Variants in DACH1 observed in about 807,000 individuals in gnomAD.
DACH1 encodes dachshund homolog 1.
A neutral mutation model predicts 54.2 loss-of-function variants in DACH1; 12 were observed. The ratio of observed to expected loss-of-function variants is 0.22; its 90% CI spans 0.14 to 0.36. The LOEUF is 0.36. Ranked by LOEUF, DACH1 falls within the 10% of genes least tolerant of loss-of-function variation. DACH1 has a pLI of 1.00. For synonymous variants in DACH1, 386 were observed against 366.2 expected (o/e 1.05, Z -0.62); for missense variants, 805 against 929.8 (o/e 0.87, Z 1.75).
In DACH1 at chr13:71,860,527, T is replaced by C. The variant is rs182258451; in HGVS notation, c.848+5395A>G. ...AGATAAATTCAAACAAAGTTTAACT[T>C]TTTAAAAGAACCAAGTAACAAAAAC... On this transcript the variant is annotated intron_variant, in intron 1 of 10. Transcript: ENST00000613252. Among the ~76,000 whole-genome samples the C allele has an allele frequency of 3.5e-3, 527 of 151,800 alleles. 1 individual carries two copies. Among genetic ancestry groups the C allele is most frequent in the African/African-American group, 0.012 (496 of 41,490 alleles).
At chr13:71,696,854 A>G (rs1414385237) in intron 1 of DACH1, among the ~76,000 whole-genome samples, 1 of 152,090 alleles carries the variant, frequency 6.6e-6, no homozygotes, top group Non-Finnish European at 1.5e-5. Context: ...CCTGAAATTC[A>G]CTTTTAAGAC....
chr13:71,690,540 T>C (rs980847471), intron 1 of DACH1, among the ~76,000 whole-genome samples: 5 of 152,212 alleles, frequency 3.3e-5, no homozygotes, highest in African/African-American at 1.2e-4. Context: ...AGTGGCCTTC[T>C]TAAAGTTTGG....
intron 2 of DACH1, among the ~76,000 whole-genome samples, chr13:71,654,295 C>G (rs1878893049): frequency 1.3e-5 from 2 of 151,322 alleles, no homozygotes; most frequent in African/African-American, 4.9e-5. Context: ...GAGGCTGAGG[C>G]AGGAGAATCG....
intron 1 of DACH1, among the ~76,000 whole-genome samples, chr13:71,753,958 G>A (rs1885033645): frequency 6.6e-6 from 1 of 152,056 alleles, no homozygotes; most frequent in African/African-American, 2.4e-5. Context: ...ATTTTAATTG[G>A]TTCAGGCCAC....
chr13:71,809,523 T>C (rs984670904), intron 1 of DACH1, among the ~76,000 whole-genome samples: 3 of 152,142 alleles, frequency 2.0e-5, no homozygotes, highest in Admixed American at 1.3e-4. Flanking sequence ...AAGTTGAAAA[T>C]GGTGCCACAA....
intron 1 of DACH1, among the ~76,000 whole-genome samples, chr13:71,781,600 G>T (rs1236770343): frequency 1.3e-5 from 2 of 151,848 alleles, no homozygotes; most frequent in African/African-American, 4.8e-5. Flanking sequence ...GGATGGTCTC[G>T]ATCTCCTGAC....
intron 1 of DACH1, among the ~76,000 whole-genome samples, chr13:71,775,734 C>G (rs1886037256): frequency 6.6e-6 from 1 of 152,020 alleles, no homozygotes; most frequent in Non-Finnish European, 1.5e-5. Context: ...AGGCAGTAAA[C>G]AGAACTGAAT....
chr13:71,459,489 T>C (rs967739499), intron 10 of DACH1, among the ~76,000 whole-genome samples: 1 of 151,924 alleles, frequency 6.6e-6, no homozygotes, highest in Non-Finnish European at 1.5e-5. Flanking sequence ...AAATTCATGA[T>C]TTTGAAACAT....
At chr13:71,562,644 T>C (rs1026994225) in intron 4 of DACH1, among the ~76,000 whole-genome samples, 1 of 152,090 alleles carries the variant, frequency 6.6e-6, no homozygotes, top group African/African-American at 2.4e-5. Flanking sequence ...AAATGAAGCA[T>C]GTATGCTTCT....
chr13:71,517,703 C>T (rs1219662769), intron 6 of DACH1, among the ~76,000 whole-genome samples: 1 of 151,784 alleles, frequency 6.6e-6, no homozygotes, highest in Non-Finnish European at 1.5e-5. Flanking sequence ...ATATCTTGGC[C>T]AAAGTCTCCT....
At chr13:71,545,028 T>C (rs763066827) in intron 6 of DACH1, among the ~76,000 whole-genome samples, 3 of 152,108 alleles carry the variant, frequency 2.0e-5, no homozygotes, top group Non-Finnish European at 4.4e-5. Flanking sequence ...GTCTGTTTTC[T>C]GATAGGACCC....
At chr13:71,544,441 C>G (rs1163129572) in intron 6 of DACH1, among the ~76,000 whole-genome samples, 1 of 152,056 alleles carries the variant, frequency 6.6e-6, no homozygotes, top group Non-Finnish European at 1.5e-5. Context: ...GCAACAAGCA[C>G]AGTGGTGCTT....
intron 10 of DACH1, among the ~76,000 whole-genome samples, chr13:71,471,752 A>G (rs1479580049): frequency 6.7e-6 from 1 of 148,920 alleles, no homozygotes; most frequent in African/African-American, 2.5e-5. Context: ...ACTCTGTCTC[A>G]AAAAAAAAAG....
At chr13:71,648,369 G>A (rs754586703) in intron 2 of DACH1, among the ~76,000 whole-genome samples, 12 of 152,002 alleles carry the variant, frequency 7.9e-5, no homozygotes, top group Non-Finnish European at 1.6e-4. Flanking sequence ...AGAAAAACAT[G>A]ATACAGCAAC....
intron 1 of DACH1, among the ~76,000 whole-genome samples, chr13:71,686,503 A>G (rs1566432153): frequency 6.6e-6 from 1 of 152,152 alleles, no homozygotes; most frequent in African/African-American, 2.4e-5. Context: ...TTCCAGGTCC[A>G]TTTATTGTTT....
intron 7 of DACH1, among the ~76,000 whole-genome samples, chr13:71,480,155 G>T (rs1419240703): frequency 6.6e-6 from 1 of 152,044 alleles, no homozygotes; most frequent in Non-Finnish European, 1.5e-5. Flanking sequence ...CTATATACTA[G>T]ATTTTAAAAT....
chr13:71,808,589 A>G (rs759949660), intron 1 of DACH1, among the ~76,000 whole-genome samples: 9 of 152,180 alleles, frequency 5.9e-5, no homozygotes, highest in Non-Finnish European at 1.0e-4. Context: ...GAGATGTAAA[A>G]TATCATGTTC....
intron 1 of DACH1, among the ~76,000 whole-genome samples, chr13:71,797,080 A>T (rs896199089): frequency 4.1e-4 from 63 of 152,166 alleles, no homozygotes; most frequent in African/African-American, 1.4e-3. Flanking sequence ...TAATGATAAT[A>T]TTCTCCTTTC....
At chr13:71,627,956 T>C (rs765166639) in intron 3 of DACH1, among the ~76,000 whole-genome samples, 4 of 151,926 alleles carry the variant, frequency 2.6e-5, no homozygotes, top group Non-Finnish European at 5.9e-5. Context: ...GCAAAAGCAA[T>C]CCCCAATCTA....
Sources: gnomAD v4.1 joint callset for allele counts (sites outside exome capture counted in the v4.1 genomes callset) on GRCh38, gnomAD v4.1.1 for gene constraint, MANE v1.5 for transcripts, NCBI Gene and HGNC (gene_info 2026-07-23, HGNC 2026-07-21) for gene names.